Variants in TPTE observed in about 807,000 individuals in gnomAD.
TPTE encodes transmembrane phosphatase with tensin homology.
Under a neutral mutation model 84.1 loss-of-function variants are expected in TPTE, and 59 were observed. That is an observed-to-expected ratio of 0.70 (90% confidence interval 0.57 to 0.87). TPTE has a LOEUF of 0.87. TPTE is among the 40% of genes least tolerant of loss of function. The pLI is 0.00. For missense variants in TPTE, 382 were observed against 659.6 expected (o/e 0.58, Z 4.61); for synonymous variants, 130 against 223.5 (o/e 0.58, Z 3.73).
chr21:10,599,213 G>A (rs1432925815), intron 21 of TPTE, among the ~76,000 whole-genome samples: 2 of 152,424 alleles, frequency 1.3e-5, no homozygotes, highest in Non-Finnish European at 1.5e-5. Flanking sequence ...AATCCAGTTA[G>A]TCATCAATCT....
At chr21:10,594,553 A>G (rs540374006) in intron 19 of TPTE, among the ~76,000 whole-genome samples, 1 of 152,428 alleles carries the variant, frequency 6.6e-6, no homozygotes, top group South Asian at 2.1e-4. Flanking sequence ...GAGCACAAGC[A>G]GCTTGAGGGC....
chr21:10,592,937 C>T (rs1461501900), intron 19 of TPTE, among the ~76,000 whole-genome samples: 1 of 152,306 alleles, frequency 6.6e-6, no homozygotes, highest in African/African-American at 2.4e-5. Flanking sequence ...TGCACTTTTA[C>T]ATATCTCATT....
rs1979229685 is a variant in TPTE, at chr21:10,605,695, T to C, written c.*143T>C. On this transcript the variant is annotated 3_prime_UTR_variant, in exon 24 of 24. Coordinates refer to ENST00000618007, the MANE Select transcript of TPTE (RefSeq NM_199261.4). ...TGTTTATATATGTTCTTCATAAATCTATTACATATATATAGATAAAATGTC... is the reference window on the plus strand; with the variant it reads ...TGTTTATATATGTTCTTCATAAATCCATTACATATATATAGATAAAATGTC... 2 of 1,391,510 alleles carry C rather than the reference T, an allele frequency of 1.4e-6. No individual in the cohort carries two copies. Among genetic ancestry groups the C allele is most frequent in the South Asian group, 1.5e-5 (1 of 66,216 alleles). 86.2% of individuals were successfully genotyped at this position (1,391,510 alleles called of 1,614,324 possible). A position where few individuals can be genotyped will look rare whatever the true frequency, so the allele number is the denominator to read the frequency against.
intron 19 of TPTE, among the ~76,000 whole-genome samples, chr21:10,594,031 C>T (rs565188088): frequency 6.6e-6 from 1 of 152,430 alleles, no homozygotes; most frequent in Admixed American, 6.5e-5. Flanking sequence ...TACTGAAGTG[C>T]AGCCCTAATC....
intron 9 of TPTE, among the ~76,000 whole-genome samples, chr21:10,560,185 A>G (rs142773156): frequency 0.016 from 2,359 of 151,448 alleles, no homozygotes; most frequent in East Asian, 0.15. Context: ...TCAAATGTTA[A>G]AATTCTATAA....
chr21:10,572,635 AG>A (rs1485100205), intron 14 of TPTE, among the ~76,000 whole-genome samples: 6 of 152,302 alleles, frequency 3.9e-5, no homozygotes, highest in Admixed American at 6.5e-5. Flanking sequence ...CTGTCAACCA[AG>A]AATACGATAC....
chr21:10,525,208 A>T (rs1217722984), intron 2 of TPTE, among the ~76,000 whole-genome samples: 1 of 152,306 alleles, frequency 6.6e-6, no homozygotes, highest in Non-Finnish European at 1.5e-5. Context: ...TTATTAGTGA[A>T]ATTGGCGGCT....
chr21:10,582,173 C>G (rs1402458085), intron 17 of TPTE, among the ~76,000 whole-genome samples: 1 of 152,310 alleles, frequency 6.6e-6, no homozygotes, highest in South Asian at 2.1e-4. Context: ...CAAAAATATT[C>G]AAGTTCCATT....
chr21:10,543,053 C>T lies in TPTE; in HGVS notation c.120-276C>T, dbSNP rs559687552. On this transcript the variant is annotated intron_variant, in intron 6 of 23. Coordinates refer to ENST00000618007, the MANE Select transcript of TPTE (RefSeq NM_199261.4). Reference sequence around the variant, plus strand: ...TTTTTTTTTTTTTGAGACGGAGTCTCGCTCTGTCGCCCAGGCCGGACTGCG... The same window carrying T: ...TTTTTTTTTTTTTGAGACGGAGTCTTGCTCTGTCGCCCAGGCCGGACTGCG... Among the ~76,000 whole-genome samples, 56 of 98,868 alleles carry T rather than the reference C, an allele frequency of 5.7e-4. 1 individual carries two copies. In the South Asian group the frequency reaches 0.016, roughly 28 times the overall value. 64.9% of individuals were successfully genotyped at this position (98,868 alleles called of 152,430 possible).
chr21:10,566,430 A>G (rs1449714811), intron 10 of TPTE, among the ~76,000 whole-genome samples: 22 of 152,416 alleles, frequency 1.4e-4, no homozygotes, highest in African/African-American at 4.8e-4. Flanking sequence ...AGTAGAACCA[A>G]TTGGAGAACA....
chr21:10,560,521 C>G (rs1600902514), intron 9 of TPTE, among the ~76,000 whole-genome samples: 3 of 152,418 alleles, frequency 2.0e-5, no homozygotes, highest in African/African-American at 7.2e-5. Context: ...CTGCTAGAAG[C>G]ACCCATAAAT....
chr21:10,562,471 A>G (rs1354167186), intron 10 of TPTE, among the ~76,000 whole-genome samples: 1 of 152,308 alleles, frequency 6.6e-6, no homozygotes, highest in African/African-American at 2.4e-5. Flanking sequence ...AGACAAAGAA[A>G]TCAAAATAAC....
intron 21 of TPTE, among the ~76,000 whole-genome samples, chr21:10,599,066 C>T (rs1374696739): frequency 6.6e-6 from 1 of 152,310 alleles, no homozygotes; most frequent in South Asian, 2.1e-4. Context: ...GGAGCTACAA[C>T]ATGAACAGTT....
intron 8 of TPTE, among the ~76,000 whole-genome samples, chr21:10,556,985 C>T (rs1295204347): frequency 6.6e-6 from 1 of 152,310 alleles, no homozygotes; most frequent in Non-Finnish European, 1.5e-5. Context: ...TTCTCCCATT[C>T]CGTAGGTTGC....
chr21:10,595,027 AGTTTT>A (rs763601675), intron 19 of TPTE, among the ~76,000 whole-genome samples: 14 of 152,288 alleles, frequency 9.2e-5, no homozygotes, highest in Admixed American at 2.6e-4. Flanking sequence ...TGAACTTATG[AGTTTT>A]GTTTTGTTTT....
chr21:10,548,154 C>G (rs2074505001), intron 7 of TPTE, among the ~76,000 whole-genome samples: 1 of 152,310 alleles, frequency 6.6e-6, no homozygotes, highest in Non-Finnish European at 1.5e-5. Context: ...ACCTGAGAGA[C>G]AAGCAACTGT....
intron 10 of TPTE, among the ~76,000 whole-genome samples, chr21:10,563,353 C>T (rs1344110532): frequency 6.6e-6 from 1 of 152,310 alleles, no homozygotes; most frequent in Non-Finnish European, 1.5e-5. Context: ...CAGAAAAATG[C>T]AGAATGTCAT....
chr21:10,536,500 A>G (rs1392876344), intron 3 of TPTE, among the ~76,000 whole-genome samples: 1 of 152,310 alleles, frequency 6.6e-6, no homozygotes, highest in East Asian at 1.9e-4. Context: ...TAAAATATAT[A>G]TACACAAATA....
chr21:10,600,132 TTC>T (rs1159636179), intron 21 of TPTE, among the ~76,000 whole-genome samples: 350 of 147,318 alleles, frequency 2.4e-3, no homozygotes, highest in Admixed American at 0.018. Flanking sequence ...TCCAATTTTT[TTC>T]TTTTTCTTTT....
Sources: gnomAD v4.1 joint callset for allele counts (sites outside exome capture counted in the v4.1 genomes callset) on GRCh38, gnomAD v4.1.1 for gene constraint, MANE v1.5 for transcripts, NCBI Gene and HGNC (gene_info 2026-07-23, HGNC 2026-07-21) for gene names.